The following PTPRT variants were observed in gnomAD, a reference collection of about 807,000 sequenced individuals.
The protein encoded by PTPRT is receptor-type tyrosine-protein phosphatase T.
Under a neutral mutation model 176.8 loss-of-function variants are expected in PTPRT, and 56 were observed. The ratio of observed to expected loss-of-function variants is 0.32; its 90% CI spans 0.26 to 0.40. The LOEUF (loss-of-function observed/expected upper bound fraction) is 0.40, where lower values mean the gene tolerates loss of function less well. PTPRT is among the 10% of genes least tolerant of loss of function. PTPRT has a pLI of 1.00. For missense variants in PTPRT, 1,540 were observed against 1,908.2 expected, an observed-to-expected ratio of 0.81 and a Z score of 3.60; for synonymous variants, 783 against 739.0, an observed-to-expected ratio of 1.06 and a Z score of -0.96.
intron 12 of PTPRT, among the ~76,000 whole-genome samples, chr20:42,312,234 T>G (rs1271845365): frequency 6.6e-6 from 1 of 152,212 alleles, no homozygotes; most frequent in Non-Finnish European, 1.5e-5. Flanking sequence ...AATGATTTAT[T>G]AGAAGCAGGG....
At chr20:42,065,063 A>G in the PTPRT span, among the ~76,000 whole-genome samples, 1 of 152,212 alleles carries the variant, frequency 6.6e-6, no homozygotes, top group African/African-American at 2.4e-5. Flanking sequence ...GCCAGCATCA[A>G]CAGCAGCCAT....
rs377549736 is a variant in PTPRT at position 42,874,052 on chromosome 20, C to G, written c.214+11755G>C. ...AATGAAAGGTTCACTTGCAGGAGCT[C>G]TAGCCCCTGCAGCAGCCCAATCGGT... On this transcript the variant is annotated intron_variant, in intron 2 of 30. Transcript: ENST00000373187. Among the ~76,000 whole-genome samples the G allele has an allele frequency of 5.3e-5, 8 of 152,290 alleles. No individual in the cohort carries two copies. The East Asian group carries it at 5.8e-4, about 11-fold the overall frequency.
chr20:42,399,170 G>C (rs1263625563), intron 9 of PTPRT, among the ~76,000 whole-genome samples: 1 of 152,220 alleles, frequency 6.6e-6, no homozygotes. Flanking sequence ...GGATTTAAGG[G>C]GCTGGAGACT....
intron 13 of PTPRT, among the ~76,000 whole-genome samples, chr20:42,257,699 C>G (rs1039557751): frequency 1.1e-4 from 15 of 140,970 alleles, no homozygotes; most frequent in Non-Finnish European, 2.1e-4. Context: ...ATGTAAGATG[C>G]CTGCTGCCCC....
At chr20:42,232,793 C>T (rs1487697975) in intron 15 of PTPRT, among the ~76,000 whole-genome samples, 1 of 119,962 alleles carries the variant, frequency 8.3e-6, no homozygotes, top group African/African-American at 3.3e-5. Flanking sequence ...TAGCCAGTAT[C>T]ATGTTTCTTC....
intron 1 of PTPRT, among the ~76,000 whole-genome samples, chr20:43,089,145 T>C (rs947812763): frequency 6.6e-6 from 1 of 152,224 alleles, no homozygotes; most frequent in South Asian, 2.1e-4. Flanking sequence ...CCCAATCTTA[T>C]GAGTAAGACT....
At chr20:42,130,172 C>A (rs965966038) in intron 18 of PTPRT, among the ~76,000 whole-genome samples, 3 of 152,186 alleles carry the variant, frequency 2.0e-5, no homozygotes, top group Non-Finnish European at 4.4e-5. Context: ...ATATACCCAG[C>A]AGAGGGAATT....
At chr20:42,950,607 G>T (rs1012617804) in intron 1 of PTPRT, among the ~76,000 whole-genome samples, 31 of 152,310 alleles carry the variant, frequency 2.0e-4, no homozygotes, top group Non-Finnish European at 4.4e-5. Flanking sequence ...TGGTAACCAA[G>T]ATGGTGGACG....
At chr20:43,094,731 T>C (rs1195825706) in intron 1 of PTPRT, among the ~76,000 whole-genome samples, 2 of 152,148 alleles carry the variant, frequency 1.3e-5, no homozygotes, top group Non-Finnish European at 2.9e-5. Context: ...GTGTTTATTG[T>C]TTGGCTTCCC....
Position 42,077,350 on chromosome 20 carries a change from A to G in PTPRT, c.*3529T>C, listed in dbSNP as rs1474896451. ...GATACATCCTGAAGCTATTTAGGCC[A>G]TAAACACAGGTGGAGAAATTTCCTG... On this transcript the variant is annotated 3_prime_UTR_variant, in exon 31 of 31. Transcript: ENST00000373187. 9.7e-6 allele frequency: 2 copies of G among 207,124 alleles called. No homozygotes were observed. Among genetic ancestry groups the G allele is most frequent in the Admixed American group, 1.2e-4 (2 of 16,814 alleles). 12.8% of individuals were successfully genotyped at this position (207,124 alleles called of 1,614,324 possible).
the PTPRT span, among the ~76,000 whole-genome samples, chr20:42,038,959 A>T: frequency 6.6e-6 from 1 of 152,178 alleles, no homozygotes; most frequent in East Asian, 1.9e-4. Flanking sequence ...CTTCCAGCCC[A>T]AACTTCTCCC....
chr20:42,691,319 A>C (rs1391725090), intron 6 of PTPRT, among the ~76,000 whole-genome samples: 1 of 152,260 alleles, frequency 6.6e-6, no homozygotes, highest in African/African-American at 2.4e-5. Flanking sequence ...AAGCTTCGTC[A>C]GTTGCTACGC....
At chr20:42,355,568 C>T (rs1276643733) in intron 9 of PTPRT, among the ~76,000 whole-genome samples, 1 of 152,168 alleles carries the variant, frequency 6.6e-6, no homozygotes, top group Non-Finnish European at 1.5e-5. Flanking sequence ...AAGGTTTGGA[C>T]AGAGCAAAGC....
At chr20:42,509,578 G>T in intron 7 of PTPRT, among the ~76,000 whole-genome samples, 1 of 143,230 alleles carries the variant, frequency 7.0e-6, no homozygotes, top group Non-Finnish European at 1.6e-5. Flanking sequence ...TGTTTGTGTT[G>T]TAAGGTGTTC....
rs77326093 is a variant in PTPRT, at chr20:42,474,058, A to G, written c.1154-1496T>C. On this transcript the variant is annotated intron_variant, in intron 7 of 30. Coordinates refer to ENST00000373187, the MANE Select transcript of PTPRT (RefSeq NM_007050.6). ...GTAAAGCAGTTAGAACTCAAACTTA[A>G]TAAGCACTCTACGTATGATAACTGG... Among the ~76,000 whole-genome samples, 1,207 of 152,364 alleles carry G rather than the reference A, an allele frequency of 7.9e-3. 11 individuals carry two copies. Among genetic ancestry groups the G allele is most frequent in the Middle Eastern group, 0.014 (4 of 294 alleles).
intron 7 of PTPRT, among the ~76,000 whole-genome samples, chr20:42,522,240 G>A (rs1348471432): frequency 1.3e-5 from 2 of 149,432 alleles, no homozygotes; most frequent in South Asian, 2.2e-4. Context: ...GAATTTATTC[G>A]TGTGTGACTT....
At chr20:42,248,553 G>A (rs1262797688) in intron 14 of PTPRT, 134 bp downstream of exon 14, 7 of 1,188,194 alleles carry the variant, frequency 5.9e-6, no homozygotes, top group Non-Finnish European at 8.3e-6. Context: ...GCCGGCCCAT[G>A]TATTTCCGGA....
chr20:42,916,609 C>T (rs1313033151), intron 1 of PTPRT, among the ~76,000 whole-genome samples: 1 of 152,208 alleles, frequency 6.6e-6, no homozygotes, highest in Non-Finnish European at 1.5e-5. Context: ...TATTTCTCCA[C>T]ATCCTCTCCA....
intron 15 of PTPRT, among the ~76,000 whole-genome samples, chr20:42,209,910 C>G (rs957302252): frequency 6.6e-6 from 1 of 152,098 alleles, no homozygotes; most frequent in Non-Finnish European, 1.5e-5. Context: ...AAAATACTGG[C>G]AAAACGAATC....
Sources: gnomAD v4.1 joint callset for allele counts (sites outside exome capture counted in the v4.1 genomes callset) on GRCh38, gnomAD v4.1.1 for gene constraint, MANE v1.5 for transcripts, NCBI Gene and HGNC (gene_info 2026-07-23, HGNC 2026-07-21) for gene names.